The following FAT1 variants were observed in gnomAD, a reference collection of about 807,000 sequenced individuals.
FAT1 encodes FAT atypical cadherin 1.
In FAT1, 171 loss-of-function variants were observed where a neutral mutation model predicts 329.8. That is an observed-to-expected ratio of 0.52 (90% confidence interval 0.46 to 0.59). FAT1 has a LOEUF of 0.59. Among genes scored for constraint, FAT1 ranks in the 20% least tolerant of loss-of-function variants. The probability of loss-of-function intolerance (pLI) is 0.00; values close to 1 mark genes in which losing one functional copy is unlikely to be tolerated. For synonymous variants in FAT1, 2,233 were observed against 2,228.6 expected (o/e 1.00, Z -0.06); for missense variants, 5,672 against 5,774.4 (o/e 0.98, Z 0.57).
chr4:186,628,066 C>T, intron 9 of FAT1, 88 bp downstream of exon 9: 1 of 1,392,742 alleles, frequency 7.2e-7, no homozygotes, highest in South Asian at 1.3e-5. Flanking sequence ...CATAGAAATG[C>T]TTCAATACCC....
At chr4:186,698,585 C>T (rs935838854) in intron 2 of FAT1, among the ~76,000 whole-genome samples, 1 of 152,180 alleles carries the variant, frequency 6.6e-6, no homozygotes, top group Admixed American at 6.5e-5. Flanking sequence ...TGAGATAATA[C>T]GAGCTGACCA....
rs369674498 is a variant in FAT1, at chr4:186,674,506, T to C, written c.3266-10893A>G. Among the ~76,000 whole-genome samples, 3 of 152,142 alleles carry C rather than the reference T, an allele frequency of 2.0e-5. No homozygotes were observed. In the East Asian group the frequency reaches 5.8e-4, roughly 29 times the overall value. ...CTGACTCTCATCAATCAATCACTGT[T>C]AGTGGAAAAACAGGCAACACATCCA... On this transcript the variant is annotated intron_variant, in intron 2 of 26. Transcript: ENST00000441802.
chr4:186,611,478 G>A lies in FAT1; in HGVS notation c.9761C>T (p.Ala3254Val), dbSNP rs2126467204. 1.2e-6 allele frequency: 2 copies of A among 1,613,874 alleles called. No homozygotes were observed. Among genetic ancestry groups the A allele is most frequent in the Non-Finnish European group, 1.7e-6 (2 of 1,179,812 alleles). The change falls in exon 14 of 27, where the codon GCA becomes GTA. Residue 3254 changes from alanine to valine, a missense_variant. Ala to Val is a moderately conservative substitution (Grantham distance 64). Transcript: ENST00000441802. Reference sequence around the variant, plus strand: ...ATTTGCTTCAATATCCCGACTTGCTGCATACACTTGAAGAACTTCAGTTCC... The same window carrying A: ...ATTTGCTTCAATATCCCGACTTGCTACATACACTTGAAGAACTTCAGTTCC... ...LVGTEVLQVY[A>V]ASRDIEANAE...
chr4:186,595,383 A>G (rs1738451135), intron 26 of FAT1, among the ~76,000 whole-genome samples: 1 of 151,936 alleles, frequency 6.6e-6, no homozygotes, highest in African/African-American at 2.4e-5. Flanking sequence ...TTTCTGACAA[A>G]CCCACAAAAC....
At position 186,706,809 on chromosome 4, in the gene FAT1, C is replaced by T. The variant is rs2126683251; in HGVS notation, c.3019G>A (p.Gly1007Arg). The T allele has an allele frequency of 6.2e-7, 1 of 1,613,972 alleles. No homozygotes were observed. Among genetic ancestry groups the T allele is most frequent in the South Asian group, 1.1e-5 (1 of 91,076 alleles). The change falls in exon 2 of 27, where the codon GGA becomes AGA. Residue 1007 changes from glycine (G) to arginine (R), a missense_variant. This residue lies in a region of FAT1 where 3,966 missense variants were observed against 3,915.2 expected (regional missense o/e 1.01). Coordinates refer to ENST00000441802, the MANE Select transcript of FAT1 (RefSeq NM_005245.4). ...GTAGAAGACAGAGAAACTGGCTTTC[C>T]CTTGTCTTTGGCCCTCACAGTGAGA... ...YNLTVRAKDK[G>R]KPVSLSSTCY...
At chr4:186,724,031 G>T (rs1745611565), upstream of FAT1, among the ~76,000 whole-genome samples, 1 of 151,612 alleles carries the variant, frequency 6.6e-6, no homozygotes. The surrounding 1 kb of genome is among the most constrained non-coding windows in gnomAD (Gnocchi z 5.3). Context: ...CCAGGTCCGT[G>T]CTGGGAGACG....
rs200149452 is a variant in FAT1 at position 186,618,629 on chromosome 4, C to T, written c.7957G>A (p.Gly2653Ser). The change falls in exon 10 of 27, where the codon GGC becomes AGC. Residue 2653 changes from glycine to serine, a missense_variant. Around this residue, in one of 2 missense-constraint regions of FAT1, gnomAD observed 3,966 missense variants for 3,915.2 expected, o/e 1.01. Transcript: ENST00000441802. Reference protein sequence around the residue: ...KENLEINKLSGVITTKESLIG... With the variant: ...KENLEINKLSSVITTKESLIG... ...AGGCTCTCCTTTGTAGTGATTACGCCGGACAGTTTGTTAATTTCCAAATTC... is the reference window on the plus strand; with the variant it reads ...AGGCTCTCCTTTGTAGTGATTACGCTGGACAGTTTGTTAATTTCCAAATTC... 5.5e-4 allele frequency: 889 copies of T among 1,613,984 alleles called. 1 individual carries two copies. The highest frequency in any genetic ancestry group is 2.6e-3 in the Middle Eastern group (16 of 6,062).
At chr4:186,722,942 C>T (rs1291207506) in intron 1 of FAT1, among the ~76,000 whole-genome samples, 1 of 152,098 alleles carries the variant, frequency 6.6e-6, no homozygotes, top group Admixed American at 6.5e-5. Flanking sequence ...GTTTACTTTC[C>T]TAACTCATAC....
intron 3 of FAT1, among the ~76,000 whole-genome samples, chr4:186,662,334 G>C (rs936719233): frequency 2.0e-5 from 3 of 152,016 alleles, no homozygotes; most frequent in African/African-American, 7.2e-5. Context: ...TCACAAGGAG[G>C]GTGAACGCAG....
chr4:186,662,089 G>C (rs1046523548), intron 3 of FAT1, among the ~76,000 whole-genome samples: 1 of 150,404 alleles, frequency 6.6e-6, no homozygotes, highest in Non-Finnish European at 1.5e-5. Context: ...GGTTTGGGAA[G>C]AGGGTAGGAA....
rs1341085059 is a variant in FAT1 at position 186,590,319 on chromosome 4, C to G, written c.13139-1099G>C. 5 of 1,220,138 alleles carry G rather than the reference C, an allele frequency of 4.1e-6. No homozygotes were observed. In the East Asian group the frequency reaches 2.3e-4, roughly 55 times the overall value. 75.6% of individuals were successfully genotyped at this position (1,220,138 alleles called of 1,614,324 possible). A position where few individuals can be genotyped will look rare whatever the true frequency, so the allele number is the denominator to read the frequency against. The stretch of plus-strand genomic sequence containing the variant: ...CAGTCAGCACTGGGGCAAGGCTTGA[C>G]CCATTGTTTTTAGTGAGTATCAATG... On this transcript the variant is annotated intron_variant, in intron 26 of 26. Coordinates refer to ENST00000441802, the MANE Select transcript of FAT1 (RefSeq NM_005245.4).
Position 186,619,503 on chromosome 4 carries a change from C to T in FAT1, c.7083G>A (p.Arg2361=), listed in dbSNP as rs1256704823. 1.9e-6 allele frequency: 3 copies of T among 1,613,928 alleles called. No individual in the cohort carries two copies. Among genetic ancestry groups the T allele is most frequent in the East Asian group, 2.2e-5 (1 of 44,870 alleles). The change falls in exon 10 of 27, where the codon AGG becomes AGA. Residue 2361 remains arginine, a synonymous_variant. Transcript: ENST00000441802. ...EQSRQHTIFV[R]AVDGGMPTLS... ...GCGTGGGCATACCACCATCAACTGCCCTCACAAAAATCGTGTGCTGCCGGG... is the reference window on the plus strand; with the variant it reads ...GCGTGGGCATACCACCATCAACTGCTCTCACAAAAATCGTGTGCTGCCGGG...
In FAT1 at chr4:186,601,423, C is replaced by T. The variant is rs746246507; in HGVS notation, c.11486G>A (p.Ser3829Asn). ...GTTTCCAGTCAGTGTCATAGATGAA[C>T]TCCCTGTGAATCACACAGAGGAAAA... ...PSGRFGQCPG[S>N]SSMTLTGNSY... The change falls in exon 21 of 27, where the codon AGT becomes AAT. Residue 3829 changes from serine (S) to asparagine (N), a missense_variant. Coordinates refer to ENST00000441802, the MANE Select transcript of FAT1 (RefSeq NM_005245.4). 4 of 1,609,504 alleles carry T rather than the reference C, an allele frequency of 2.5e-6. No homozygotes were observed. The highest frequency in any genetic ancestry group is 1.1e-5 in the South Asian group (1 of 90,850).
intron 3 of FAT1, among the ~76,000 whole-genome samples, chr4:186,654,302 C>A (rs986253470): frequency 7.9e-5 from 12 of 152,228 alleles, no homozygotes; most frequent in Non-Finnish European, 1.8e-4. Context: ...ATGAGACACA[C>A]TTGTCAATGT....
intron 2 of FAT1, among the ~76,000 whole-genome samples, chr4:186,698,214 G>T (rs1000133115): frequency 2.0e-5 from 3 of 152,146 alleles, no homozygotes; most frequent in African/African-American, 7.2e-5. Context: ...TCATGGAGAC[G>T]GACTGAAGTC....
chr4:186,625,229 G>C (rs571708902), intron 9 of FAT1, among the ~76,000 whole-genome samples: 1 of 152,250 alleles, frequency 6.6e-6, no homozygotes, highest in African/African-American at 2.4e-5. Context: ...TTACTTTATT[G>C]AAGTACGCAG....
At chr4:186,694,442 C>T (rs1579460764) in intron 2 of FAT1, among the ~76,000 whole-genome samples, 1 of 152,204 alleles carries the variant, frequency 6.6e-6, no homozygotes, top group Admixed American at 6.5e-5. Context: ...AATCAGAGTT[C>T]CTAAGTAGCA....
At chr4:186,597,606 G>T in intron 24 of FAT1, 76 bp downstream of exon 24, 1 of 965,504 alleles carries the variant, frequency 1.0e-6, no homozygotes, top group Non-Finnish European at 1.7e-6. Context: ...TCAAATCACT[G>T]AAGGTCTGTT....
chr4:186,688,263 T>C (rs936456622), intron 2 of FAT1, among the ~76,000 whole-genome samples: 1 of 151,832 alleles, frequency 6.6e-6, no homozygotes, highest in Non-Finnish European at 1.5e-5. Context: ...TATGGCAAGA[T>C]GCACCTTCGG....
Sources: allele counts gnomAD v4.1 joint callset (sites outside exome capture counted in the v4.1 genomes callset), GRCh38; gene constraint gnomAD v4.1.1; regional missense constraint gnomAD v4.1.1; non-coding constraint Gnocchi (gnomAD v3.1); transcripts MANE v1.5; gene names NCBI Gene and HGNC (gene_info 2026-07-23, HGNC 2026-07-21).